The following SEMA6D variants were observed in gnomAD, a reference collection of about 807,000 sequenced individuals.
The protein encoded by SEMA6D is semaphorin-6D.
SEMA6D carries 35 observed loss-of-function variants against 106.6 expected under a neutral mutation model. The observed-to-expected ratio is 0.33, with a 90% CI of 0.25 to 0.44. The LOEUF (loss-of-function observed/expected upper bound fraction) is 0.44. Ranked by LOEUF, SEMA6D falls within the 20% of genes least tolerant of loss-of-function variation. The probability of loss-of-function intolerance (pLI) is 1.00; values close to 1 mark genes in which losing one functional copy is unlikely to be tolerated. For missense variants in SEMA6D, 1,185 were observed against 1,345.9 expected, an observed-to-expected ratio of 0.88 and a Z score of 1.87; for synonymous variants, 499 against 487.7, an observed-to-expected ratio of 1.02 and a Z score of -0.31.
intron 3 of SEMA6D, among the ~76,000 whole-genome samples, chr15:47,487,760 A>G (rs2043340048): frequency 6.6e-6 from 1 of 152,224 alleles, no homozygotes; most frequent in Admixed American, 6.5e-5. Flanking sequence ...CCATCCTTAC[A>G]GATGCTTCTG....
intron 1 of SEMA6D, among the ~76,000 whole-genome samples, chr15:47,360,689 A>C (rs2038771177): frequency 6.6e-6 from 1 of 152,236 alleles, no homozygotes; most frequent in Admixed American, 6.5e-5. Context: ...GGAGGTGTCC[A>C]TTCTCCTCAT....
chr15:47,533,386 G>A (rs1289850070), intron 3 of SEMA6D, among the ~76,000 whole-genome samples: 3 of 152,216 alleles, frequency 2.0e-5, no homozygotes, highest in Non-Finnish European at 2.9e-5. Flanking sequence ...ATTTAGCACA[G>A]CATTTATCTG....
At chr15:47,652,797 T>A (rs1367051495) in intron 4 of SEMA6D, among the ~76,000 whole-genome samples, 1 of 152,168 alleles carries the variant, frequency 6.6e-6, no homozygotes, top group East Asian at 1.9e-4. Context: ...AAGGAAATGA[T>A]CCTTTTTGTC....
chr15:47,536,589 T>G (rs2045174891), intron 3 of SEMA6D, among the ~76,000 whole-genome samples: 1 of 152,228 alleles, frequency 6.6e-6, no homozygotes, highest in Admixed American at 6.5e-5. Flanking sequence ...ATGATATCCA[T>G]GTCTTCACCT....
intron 3 of SEMA6D, among the ~76,000 whole-genome samples, chr15:47,532,154 A>G (rs984015569): frequency 6.6e-6 from 1 of 152,164 alleles, no homozygotes; most frequent in African/African-American, 2.4e-5. Context: ...GTTTTCCTGT[A>G]ATGGTCATAA....
intron 3 of SEMA6D, among the ~76,000 whole-genome samples, chr15:47,518,047 A>C (rs1211127687): frequency 6.6e-6 from 1 of 152,172 alleles, no homozygotes; most frequent in African/African-American, 2.4e-5. Context: ...CTGTGTCCTG[A>C]ACTTCTTAGA....
intron 4 of SEMA6D, among the ~76,000 whole-genome samples, chr15:47,630,614 A>C (rs2077277252): frequency 6.6e-6 from 1 of 151,662 alleles, no homozygotes; most frequent in South Asian, 2.1e-4. Flanking sequence ...TGAAGTGACT[A>C]AGACTCCCAA....
chr15:47,689,393 T>G (rs577521662), intron 4 of SEMA6D, among the ~76,000 whole-genome samples: 29 of 152,328 alleles, frequency 1.9e-4, no homozygotes, highest in Middle Eastern at 3.4e-3. Flanking sequence ...CTTTCATAAA[T>G]AAACACATAT....
At chr15:47,239,362 T>C (rs2032760668) in intron 1 of SEMA6D, among the ~76,000 whole-genome samples, 1 of 152,180 alleles carries the variant, frequency 6.6e-6, no homozygotes. Flanking sequence ...AGAAATAAAG[T>C]GCACAGTAAA....
chr15:47,618,351 A>C (rs1002360396), intron 4 of SEMA6D, among the ~76,000 whole-genome samples: 1 of 152,202 alleles, frequency 6.6e-6, no homozygotes, highest in African/African-American at 2.4e-5. Flanking sequence ...CGAGGCTCTA[A>C]AAGGACTGCC....
intron 1 of SEMA6D, among the ~76,000 whole-genome samples, chr15:47,329,344 C>G (rs2037251682): frequency 6.6e-6 from 1 of 152,172 alleles, no homozygotes; most frequent in African/African-American, 2.4e-5. Context: ...ATAAGCTGCA[C>G]AGCTCATAGC....
chr15:47,366,886 A>C (rs1048974670), intron 1 of SEMA6D, among the ~76,000 whole-genome samples: 4 of 152,316 alleles, frequency 2.6e-5, no homozygotes, highest in African/African-American at 9.6e-5. Context: ...AAAATTTATC[A>C]AGAAATGGAT....
At chr15:47,317,282 A>G (rs2036721090) in intron 1 of SEMA6D, among the ~76,000 whole-genome samples, 1 of 152,042 alleles carries the variant, frequency 6.6e-6, no homozygotes. Context: ...ATAGTAATTT[A>G]TGATGTCTCT....
intron 1 of SEMA6D, among the ~76,000 whole-genome samples, chr15:47,392,482 A>G (rs1480795331): frequency 1.4e-5 from 2 of 147,252 alleles, no homozygotes; most frequent in East Asian, 4.0e-4. Context: ...GACAGATGTG[A>G]GTATGCTATG....
At chr15:47,195,696 C>T (rs943372027) in intron 1 of SEMA6D, among the ~76,000 whole-genome samples, 6 of 152,120 alleles carry the variant, frequency 3.9e-5, no homozygotes, top group South Asian at 2.1e-4. Flanking sequence ...TATCTCTTCT[C>T]GGGGTTCCAC....
At chr15:47,595,876 G>A (rs538506844) in intron 3 of SEMA6D, among the ~76,000 whole-genome samples, 1 of 151,982 alleles carries the variant, frequency 6.6e-6, no homozygotes, top group East Asian at 1.9e-4. Flanking sequence ...TTAGGATCAG[G>A]AACAACATGA....
chr15:47,415,560 C>T (rs1423525384), intron 2 of SEMA6D, among the ~76,000 whole-genome samples: 1 of 152,114 alleles, frequency 6.6e-6, no homozygotes, highest in Non-Finnish European at 1.5e-5. Flanking sequence ...CTCAGAAAGT[C>T]CTTTGATTGT....
At chr15:47,685,758 G>A (rs1023293685) in intron 4 of SEMA6D, among the ~76,000 whole-genome samples, 5 of 152,104 alleles carry the variant, frequency 3.3e-5, no homozygotes, top group South Asian at 2.1e-4. Context: ...GTTGAATCCC[G>A]GGTATCTAGA....
At chr15:47,264,340 G>GT (rs1490839483) in intron 1 of SEMA6D, among the ~76,000 whole-genome samples, 10 of 59,558 alleles carry the variant, frequency 1.7e-4, no homozygotes, top group Non-Finnish European at 5.2e-4. Flanking sequence ...GAATTTAAAA[G>GT]GTTTTTTTTT....
Sources: allele counts gnomAD v4.1 joint callset (sites outside exome capture counted in the v4.1 genomes callset), GRCh38; gene constraint gnomAD v4.1.1; transcripts MANE v1.5; gene names NCBI Gene and HGNC (gene_info 2026-07-23, HGNC 2026-07-21).